DOCK3: variants seen among roughly 807,000 people sequenced by gnomAD.
DOCK3 encodes dedicator of cytokinesis 3, also known as dedicator of cytokinesis protein 3.
A neutral mutation model predicts 265.6 loss-of-function variants in DOCK3; 60 were observed. The observed-to-expected ratio is 0.23, with a 90% CI of 0.18 to 0.28. The LOEUF is 0.28. Among genes scored for constraint, DOCK3 ranks in the 10% least tolerant of loss-of-function variants. The pLI is 1.00. For synonymous variants in DOCK3, 881 were observed against 938.0 expected, an observed-to-expected ratio of 0.94 and a Z score of 1.11; for missense variants, 1,981 against 2,594.3, an observed-to-expected ratio of 0.76 and a Z score of 5.14.
rs2088617734 is a variant in DOCK3 at position 51,381,298 on chromosome 3, C to T, written c.5832C>T (p.Val1944=). ...ACTACAGCCTCTCTGAGTCTGCCGTCCTGGACTCCATCAAGGCCCAGCCAT... is the reference window on the plus strand; with the variant it reads ...ACTACAGCCTCTCTGAGTCTGCCGTTCTGGACTCCATCAAGGCCCAGCCAT... ...PVHYSLSESA[V]LDSIKAQPCR... is the part of the protein sequence containing the mutation. The change falls in exon 53 of 53, where the codon GTC becomes GTT. Residue 1944 remains valine (V), a synonymous_variant. Coordinates refer to ENST00000266037, the MANE Select transcript of DOCK3 (RefSeq NM_004947.5). The surrounding 1 kb of genome is among the most constrained non-coding windows in gnomAD (Gnocchi z 5.6). 6.2e-7 allele frequency: 1 copy of T among 1,613,622 alleles called. No homozygotes were observed. The highest frequency in any genetic ancestry group is 1.7e-5 in the Admixed American group (1 of 60,012).
chr3:51,277,006 A>G (rs1214099393), intron 25 of DOCK3, among the ~76,000 whole-genome samples: 1 of 152,172 alleles, frequency 6.6e-6, no homozygotes, highest in African/African-American at 2.4e-5. Context: ...AGTCCTTCAA[A>G]TGGACCCTGT....
intron 3 of DOCK3, among the ~76,000 whole-genome samples, chr3:50,845,338 A>G (rs1383347010): frequency 1.3e-5 from 2 of 152,222 alleles, no homozygotes; most frequent in African/African-American, 4.8e-5. Flanking sequence ...TATGCTCAAG[A>G]GGAATAATGA....
At chr3:51,375,244 G>C (rs2088011821) in intron 50 of DOCK3, among the ~76,000 whole-genome samples, 1 of 152,202 alleles carries the variant, frequency 6.6e-6, no homozygotes, top group Admixed American at 6.5e-5. Context: ...GTGCCTGATT[G>C]GCTCTGCCAG....
At chr3:50,843,814 TAAAA>T (rs2045955764) in intron 3 of DOCK3, among the ~76,000 whole-genome samples, 1 of 152,098 alleles carries the variant, frequency 6.6e-6, no homozygotes, top group Non-Finnish European at 1.5e-5. Flanking sequence ...CTCTTAAACT[TAAAA>T]AAATATGGAA....
In DOCK3 at chr3:50,762,716, G is replaced by GT. The variant is rs898559714; in HGVS notation, c.38-15949dup. On this transcript the variant is annotated intron_variant, in intron 1 of 52. Transcript: ENST00000266037. ...TATATTGTAGTCCTAATATTCTGAG[G>GT]TTTTTTTTTTAATCATGAAAGGGCG... Among the ~76,000 whole-genome samples, 655 of 148,402 alleles carry GT rather than the reference G, an allele frequency of 4.4e-3. 6 individuals carry two copies. The highest frequency in any genetic ancestry group is 0.015 in the African/African-American group (611 of 40,508).
Position 51,089,274 on chromosome 3 carries a change from G to A in DOCK3, c.581G>A (p.Ser194Asn). 6.2e-7 allele frequency: 1 copy of A among 1,609,674 alleles called. No individual in the cohort carries two copies. The highest frequency in any genetic ancestry group is 8.5e-7 in the Non-Finnish European group (1 of 1,177,966). The change falls in exon 8 of 53, where the codon AGC (serine) becomes AAC (asparagine). Residue 194 changes from serine to asparagine, a missense_variant. Ser to Asn is a conservative substitution (Grantham distance 46). Transcript: ENST00000266037. ...TCTAGCCGGCAGAGTGTACAGCAAA[G>A]CACATCCCAGGTAAGCGGCTTTCCT... ...HLSSRQSVQQ[S>N]TSQVDTMRPR...
At chr3:50,790,389 A>C (rs1239895869) in intron 2 of DOCK3, among the ~76,000 whole-genome samples, 1 of 139,942 alleles carries the variant, frequency 7.1e-6, no homozygotes, top group African/African-American at 2.6e-5. Flanking sequence ...CTCATTTGCT[A>C]TTGTTTTACA....
At chr3:51,124,727 A>C (rs1458443195) in intron 9 of DOCK3, among the ~76,000 whole-genome samples, 1 of 152,170 alleles carries the variant, frequency 6.6e-6, no homozygotes, top group African/African-American at 2.4e-5. Flanking sequence ...TTCAGATACT[A>C]TATCTTGAAA....
At chr3:51,244,648 T>C (rs1230970781) in intron 21 of DOCK3, among the ~76,000 whole-genome samples, 2 of 152,222 alleles carry the variant, frequency 1.3e-5, no homozygotes, top group Non-Finnish European at 2.9e-5. Context: ...TATTCTTCCT[T>C]TTCAATTTGA....
chr3:50,773,359 G>A (rs185915207), intron 1 of DOCK3, among the ~76,000 whole-genome samples: 6 of 151,912 alleles, frequency 3.9e-5, no homozygotes, highest in Middle Eastern at 3.4e-3. Flanking sequence ...AGCACTTCAT[G>A]ACATTGATCT....
chr3:50,676,440 A>C (rs942314462), intron 1 of DOCK3, among the ~76,000 whole-genome samples: 1 of 152,230 alleles, frequency 6.6e-6, no homozygotes, highest in African/African-American at 2.4e-5. Flanking sequence ...GAGGTGATAA[A>C]GGGAGCTCTG....
intron 12 of DOCK3, among the ~76,000 whole-genome samples, chr3:51,203,694 C>A (rs1576401504): frequency 1.3e-5 from 2 of 152,306 alleles, no homozygotes; most frequent in East Asian, 3.9e-4. Context: ...CAAAAAAGAG[C>A]CTGCATTGCC....
intron 1 of DOCK3, among the ~76,000 whole-genome samples, chr3:50,696,567 G>A (rs2035630003): frequency 6.6e-6 from 1 of 152,188 alleles, no homozygotes; most frequent in African/African-American, 2.4e-5. Flanking sequence ...AAGCATGAGA[G>A]CAAATTCAGG....
chr3:51,083,842 G>A (rs1168322069), intron 7 of DOCK3, among the ~76,000 whole-genome samples: 1 of 152,064 alleles, frequency 6.6e-6, no homozygotes, highest in African/African-American at 2.4e-5. Context: ...AAATTAACCA[G>A]GCATGGTGAT....
At chr3:51,135,391 G>A (rs2084747627) in intron 9 of DOCK3, among the ~76,000 whole-genome samples, 1 of 152,198 alleles carries the variant, frequency 6.6e-6, no homozygotes, top group African/African-American at 2.4e-5. Flanking sequence ...CAGATGCTCA[G>A]TCTAAACACT....
intron 2 of DOCK3, among the ~76,000 whole-genome samples, chr3:50,785,707 G>GT (rs1326753084): frequency 6.6e-6 from 1 of 152,138 alleles, no homozygotes; most frequent in Non-Finnish European, 1.5e-5. Flanking sequence ...GTTGGATTCA[G>GT]TTACGTAGTG....
At chr3:50,940,481 C>G (rs906720595) in intron 5 of DOCK3, among the ~76,000 whole-genome samples, 1 of 152,062 alleles carries the variant, frequency 6.6e-6, no homozygotes, top group African/African-American at 2.4e-5. Context: ...GACTGTTGAT[C>G]TGTATATTTA....
intron 6 of DOCK3, among the ~76,000 whole-genome samples, chr3:51,067,436 T>TGTGTGTGCGC (rs1403112633): frequency 6.7e-6 from 1 of 149,990 alleles, no homozygotes; most frequent in Non-Finnish European, 1.5e-5. Context: ...TTTGTGTGTG[T>TGTGTGTGCGC]GTGTGTGTGT....
chr3:51,099,081 T>A (rs935692384), intron 9 of DOCK3, among the ~76,000 whole-genome samples: 4 of 152,216 alleles, frequency 2.6e-5, no homozygotes, highest in Non-Finnish European at 5.9e-5. Context: ...TATATTTTGT[T>A]GCATAACTCA....
Sources: gnomAD v4.1 joint callset for allele counts (sites outside exome capture counted in the v4.1 genomes callset) on GRCh38, gnomAD v4.1.1 for gene constraint, Gnocchi (gnomAD v3.1) non-coding constraint, MANE v1.5 for transcripts, NCBI Gene and HGNC (gene_info 2026-07-23, HGNC 2026-07-21) for gene names.